The following PARD3B variants were observed in gnomAD, a reference collection of about 807,000 sequenced individuals.
PARD3B encodes the protein par-3 family cell polarity regulator beta, also known as partitioning defective 3 homolog B.
PARD3B carries 103 observed loss-of-function variants against 130.2 expected under a neutral mutation model. The ratio of observed to expected loss-of-function variants is 0.79; its 90% CI spans 0.67 to 0.93. PARD3B has a LOEUF of 0.93. Ranked by LOEUF, PARD3B falls within the 40% of genes least tolerant of loss-of-function variation. The probability of loss-of-function intolerance (pLI) is 0.00; values close to 1 mark genes in which losing one functional copy is unlikely to be tolerated. For synonymous variants in PARD3B, 583 were observed against 553.2 expected, an observed-to-expected ratio of 1.05 and a Z score of -0.76; for missense variants, 1,609 against 1,499.2, an observed-to-expected ratio of 1.07 and a Z score of -1.21.
chr2:204,659,201 G>A (rs912840707), intron 1 of PARD3B, among the ~76,000 whole-genome samples: 2 of 152,132 alleles, frequency 1.3e-5, no homozygotes, highest in African/African-American at 4.8e-5. Context: ...AGTTTTCTAG[G>A]TTGGAAGAAC....
intron 10 of PARD3B, among the ~76,000 whole-genome samples, chr2:205,139,092 A>G (rs1485619841): frequency 1.3e-5 from 2 of 152,174 alleles, no homozygotes; most frequent in African/African-American, 2.4e-5. Flanking sequence ...AATGCAAATT[A>G]TTACTTACTA....
chr2:205,484,961 A>G (rs535477000), intron 20 of PARD3B, among the ~76,000 whole-genome samples: 2 of 152,252 alleles, frequency 1.3e-5, no homozygotes, highest in South Asian at 2.1e-4. Flanking sequence ...CAGAGTGCCT[A>G]ATTTTCCTTC....
chr2:205,010,813 A>C (rs755353130), intron 3 of PARD3B, among the ~76,000 whole-genome samples: 2 of 152,060 alleles, frequency 1.3e-5, no homozygotes, highest in Non-Finnish European at 2.9e-5. Context: ...TGCTTTATCA[A>C]GTCTATATAT....
intron 22 of PARD3B, among the ~76,000 whole-genome samples, chr2:205,556,146 A>G (rs2052874290): frequency 6.6e-6 from 1 of 152,198 alleles, no homozygotes; most frequent in Non-Finnish European, 1.5e-5. Context: ...TCTTCATCAC[A>G]GAGGCCGGGA....
intron 2 of PARD3B, among the ~76,000 whole-genome samples, chr2:204,868,128 G>A (rs2045496588): frequency 6.6e-6 from 1 of 152,184 alleles, no homozygotes; most frequent in African/African-American, 2.4e-5. Flanking sequence ...CTATGTGAAT[G>A]ACTTCATACA....
intron 19 of PARD3B, among the ~76,000 whole-genome samples, chr2:205,431,418 G>A (rs2047328885): frequency 6.6e-6 from 1 of 151,998 alleles, no homozygotes; most frequent in Non-Finnish European, 1.5e-5. Flanking sequence ...AAACGTATAT[G>A]GGAGCTCATT....
Position 205,563,658 on chromosome 2 carries a change from A to AG in PARD3B, c.3260+10255_3260+10256insG. Among the ~76,000 whole-genome samples, 1 of 152,162 alleles carries AG rather than the reference A, an allele frequency of 6.6e-6. No homozygotes were observed. The highest frequency in any genetic ancestry group is 1.5e-5 in the Non-Finnish European group (1 of 67,982). ...GTCAAAACCTACGGGTTGTAAAAAA[A>AG]AAAAGTAATAAAATACAAGAAAATA... On this transcript the variant is annotated intron_variant, in intron 22 of 22. Transcript: ENST00000406610. The surrounding 1 kb of genome is among the most constrained non-coding windows in gnomAD (Gnocchi z 4.2).
At chr2:204,955,427 A>G (rs73054913) in intron 2 of PARD3B, among the ~76,000 whole-genome samples, 2,849 of 152,350 alleles carry the variant, frequency 0.019, 88 homozygotes, top group African/African-American at 0.064. Flanking sequence ...CGTATGTGGC[A>G]TGAAGGTGAC....
At chr2:205,058,747 A>G (rs1394644927) in intron 4 of PARD3B, among the ~76,000 whole-genome samples, 1 of 151,866 alleles carries the variant, frequency 6.6e-6, no homozygotes, top group Non-Finnish European at 1.5e-5. Context: ...TTCTTTGGGA[A>G]ACTGTCTTTT....
chr2:204,973,741 T>C (rs1422981056), intron 3 of PARD3B, among the ~76,000 whole-genome samples: 2 of 152,352 alleles, frequency 1.3e-5, no homozygotes, highest in East Asian at 3.9e-4. Context: ...TTTGGTTATT[T>C]ACTTTTTCTG....
At chr2:204,996,189 G>GT (rs1288996942) in intron 3 of PARD3B, among the ~76,000 whole-genome samples, 1 of 121,406 alleles carries the variant, frequency 8.2e-6, no homozygotes, top group South Asian at 3.2e-4. Context: ...TTTCTGTTCT[G>GT]TTTTTTCCCC....
intron 16 of PARD3B, among the ~76,000 whole-genome samples, chr2:205,282,396 C>T (rs543609634): frequency 4.0e-5 from 6 of 151,560 alleles, no homozygotes; most frequent in Non-Finnish European, 7.4e-5. Flanking sequence ...CTCATTAATT[C>T]AAGTGATGTT....
At chr2:205,505,368 T>C (rs1278533266) in intron 21 of PARD3B, among the ~76,000 whole-genome samples, 3 of 149,542 alleles carry the variant, frequency 2.0e-5, no homozygotes, top group Non-Finnish European at 3.0e-5. Flanking sequence ...TGTGCACGTG[T>C]ACCCTAAAAC....
intron 22 of PARD3B, among the ~76,000 whole-genome samples, chr2:205,581,544 G>A (rs2053989646): frequency 6.8e-6 from 1 of 147,864 alleles, no homozygotes; most frequent in African/African-American, 2.5e-5. Flanking sequence ...GTATGTGACA[G>A]CACAACAGGG....
At chr2:205,545,513 G>A (rs1005173088) in intron 21 of PARD3B, among the ~76,000 whole-genome samples, 2 of 152,132 alleles carry the variant, frequency 1.3e-5, no homozygotes, top group African/African-American at 4.8e-5. Context: ...TTAATCTTAT[G>A]ATGTGTCTGG....
chr2:204,651,527 C>G (rs537423635), intron 1 of PARD3B, among the ~76,000 whole-genome samples: 1 of 152,350 alleles, frequency 6.6e-6, no homozygotes, highest in East Asian at 1.9e-4. Flanking sequence ...GGATACAGCC[C>G]CTTTTGCTGC....
At chr2:205,391,216 G>A (rs1397303277) in intron 18 of PARD3B, among the ~76,000 whole-genome samples, 3 of 152,256 alleles carry the variant, frequency 2.0e-5, no homozygotes, top group East Asian at 1.9e-4. Flanking sequence ...CGGGGCAAAG[G>A]AGGTAGAGAA....
At chr2:205,126,034 C>T (rs1041792807) in intron 10 of PARD3B, among the ~76,000 whole-genome samples, 5 of 152,258 alleles carry the variant, frequency 3.3e-5, no homozygotes, top group East Asian at 1.9e-4. Flanking sequence ...GTGCTACGTG[C>T]GAAGCCCTAG....
At position 204,998,839 on chromosome 2, in the gene PARD3B, G is replaced by A. The variant is rs377614064; in HGVS notation, c.394+33516G>A. On this transcript the variant is annotated intron_variant, in intron 3 of 22. Transcript: ENST00000406610. Reference sequence around the variant, plus strand: ...AGTGATTCTCCTGCCTCAGCCTCCCGAGTAGCTGGGGTTACAGGCATGCGC... The same window carrying A: ...AGTGATTCTCCTGCCTCAGCCTCCCAAGTAGCTGGGGTTACAGGCATGCGC... Among the ~76,000 whole-genome samples, 133 of 152,078 alleles carry A rather than the reference G, an allele frequency of 8.7e-4. 5 individuals are homozygous for A. The East Asian group carries it at 0.019, about 22-fold the overall frequency.
Sources: allele counts gnomAD v4.1 joint callset (sites outside exome capture counted in the v4.1 genomes callset), GRCh38; gene constraint gnomAD v4.1.1; non-coding constraint Gnocchi (gnomAD v3.1); transcripts MANE v1.5; gene names NCBI Gene and HGNC (gene_info 2026-07-23, HGNC 2026-07-21).